SOBP: variants seen among roughly 807,000 people sequenced by gnomAD.
SOBP encodes sine oculis-binding protein homolog.
In SOBP, 4 loss-of-function variants were observed where a neutral mutation model predicts 53.6. The observed-to-expected ratio is 0.07, with a 90% CI of 0.04 to 0.17. The LOEUF is 0.17. SOBP is among the 10% of genes least tolerant of loss of function. The pLI, the probability that SOBP is intolerant of heterozygous loss-of-function variation, is 1.00. For missense variants in SOBP, 1,088 were observed against 1,204.7 expected (o/e 0.90, Z 1.43); for synonymous variants, 584 against 522.6 (o/e 1.12, Z -1.60).
chr6:107,543,184 A>G (rs1784200940), intron 4 of SOBP, among the ~76,000 whole-genome samples: 1 of 152,186 alleles, frequency 6.6e-6, no homozygotes, highest in South Asian at 2.1e-4. Context: ...GCTAGTATGT[A>G]CTTTGGGGCA....
In SOBP at chr6:107,614,476, G is replaced by A. The variant is rs115434168; in HGVS notation, c.670-19038G>A. Among the ~76,000 whole-genome samples, 652 of 152,342 alleles carry A rather than the reference G, an allele frequency of 4.3e-3. 6 individuals carry two copies. Among genetic ancestry groups the A allele is most frequent in the African/African-American group, 0.015 (616 of 41,580 alleles). ...GTTGCCAGGTTTATGAAGGGCTGCC[G>A]TCTGGAGGAGGATGTTGTGCTAAGT... On this transcript the variant is annotated intron_variant, in intron 5 of 6. Transcript: ENST00000317357.
intron 5 of SOBP, among the ~76,000 whole-genome samples, chr6:107,601,524 C>A (rs1452970917): frequency 6.6e-6 from 1 of 152,204 alleles, no homozygotes; most frequent in Non-Finnish European, 1.5e-5. Flanking sequence ...GAAACACTTT[C>A]GAAATTACTT....
chr6:107,508,408 G>A (rs1009422977), intron 3 of SOBP, among the ~76,000 whole-genome samples: 2 of 151,962 alleles, frequency 1.3e-5, no homozygotes, highest in East Asian at 3.9e-4. Context: ...GAGAAACCCC[G>A]TCTCTACTAA....
intron 6 of SOBP, among the ~76,000 whole-genome samples, chr6:107,645,112 G>A (rs185248868): frequency 2.0e-5 from 3 of 152,260 alleles, no homozygotes; most frequent in South Asian, 2.1e-4. Flanking sequence ...CTCACTGTCC[G>A]ATCAGGTGAT....
chr6:107,611,359 TC>T (rs1786592868), intron 5 of SOBP, among the ~76,000 whole-genome samples: 1 of 152,166 alleles, frequency 6.6e-6, no homozygotes, highest in African/African-American at 2.4e-5. Flanking sequence ...AACAAAAACT[TC>T]CTGCAGATGT....
intron 2 of SOBP, among the ~76,000 whole-genome samples, chr6:107,505,921 G>C (rs1158210126): frequency 2.0e-5 from 3 of 152,184 alleles, no homozygotes; most frequent in African/African-American, 7.2e-5. Flanking sequence ...AAAGTACTGG[G>C]ATTACAGGCG....
rs1583298034 is a variant in SOBP at position 107,635,546 on chromosome 6, T to G, written c.*3+77T>G. On this transcript the variant is annotated intron_variant, in intron 6 of 6. Transcript: ENST00000317357. This position sits in a 1 kb window ranked among gnomAD's most constrained non-coding sequence, Gnocchi z 4.5. ...ACTTCTGACAAGGCAGAGGGGAGAG[T>G]TGTAATTATAGTCATGATTTTACCG... 6.3e-7 allele frequency: 1 copy of G among 1,575,186 alleles called. No homozygotes were observed. The highest frequency in any genetic ancestry group is 8.7e-7 in the Non-Finnish European group (1 of 1,154,020).
At chr6:107,609,957 A>G (rs2115099637) in intron 5 of SOBP, among the ~76,000 whole-genome samples, 1 of 152,248 alleles carries the variant, frequency 6.6e-6, no homozygotes, top group Middle Eastern at 3.4e-3. Flanking sequence ...TTCCCACTCT[A>G]AATACACATA....
At chr6:107,530,304 A>G (rs1264391852) in intron 3 of SOBP, among the ~76,000 whole-genome samples, 1 of 152,160 alleles carries the variant, frequency 6.6e-6, no homozygotes, top group African/African-American at 2.4e-5. Context: ...TTTCATTTCC[A>G]TGTTTATTGT....
intron 6 of SOBP, among the ~76,000 whole-genome samples, chr6:107,638,096 A>G (rs1317621212): frequency 6.6e-6 from 1 of 152,264 alleles, no homozygotes; most frequent in African/African-American, 2.4e-5. Flanking sequence ...CTCCTCCACT[A>G]AATCACATTT....
intron 5 of SOBP, among the ~76,000 whole-genome samples, chr6:107,629,299 A>G (rs144078246): frequency 1.3e-5 from 2 of 151,524 alleles, no homozygotes; most frequent in East Asian, 3.9e-4. Context: ...AGATTTCAGC[A>G]AAAGGGTTTC....
chr6:107,508,586 G>GAAAAAAAA (rs201183925), intron 3 of SOBP, among the ~76,000 whole-genome samples: 2 of 146,040 alleles, frequency 1.4e-5, no homozygotes, highest in African/African-American at 5.0e-5. Context: ...CTCAAAAAAA[G>GAAAAAAAA]AAAAAAAAAA....
At chr6:107,624,062 G>GT (rs1690453781) in intron 5 of SOBP, among the ~76,000 whole-genome samples, 1 of 152,170 alleles carries the variant, frequency 6.6e-6, no homozygotes, top group Non-Finnish European at 1.5e-5. Flanking sequence ...ATAAATGTTT[G>GT]TTTTTAAAAA....
chr6:107,623,514 GTCA>G (rs1770314221), intron 5 of SOBP, among the ~76,000 whole-genome samples: 1 of 152,110 alleles, frequency 6.6e-6, no homozygotes, highest in Non-Finnish European at 1.5e-5. Flanking sequence ...CCAATCCCAA[GTCA>G]GGGGGAGAGA....
chr6:107,635,407 G>C lies in SOBP; in HGVS notation c.2563G>C (p.Glu855Gln). ...ISSPMLSAGP[E>Q]DLEPPLKRRC... ...CTCGCCCATGCTCAGCGCCGGGCCT[G>C]AGGACCTGGAGCCGCCGCTCAAAAG... is the stretch of plus-strand genomic sequence containing the variant. The change falls in exon 6 of 7, where the codon GAG (glutamate) becomes CAG (glutamine). Residue 855 changes from glutamate to glutamine, a missense_variant. This residue lies in a region of SOBP where 665 missense variants were observed against 629.7 expected (regional missense o/e 1.06). Transcript: ENST00000317357. The surrounding 1 kb of genome is among the most constrained non-coding windows in gnomAD (Gnocchi z 4.5). 2 of 1,613,416 alleles carry C rather than the reference G, an allele frequency of 1.2e-6. No homozygotes were observed. Among genetic ancestry groups the C allele is most frequent in the Non-Finnish European group, 1.7e-6 (2 of 1,180,014 alleles).
intron 5 of SOBP, among the ~76,000 whole-genome samples, chr6:107,593,712 A>G (rs746692722): frequency 2.0e-5 from 3 of 152,200 alleles, no homozygotes; most frequent in East Asian, 1.9e-4. Flanking sequence ...AGCACCTAAT[A>G]AAAGCTCAAC....
chr6:107,602,094 CCTT>C (rs1786199960), intron 5 of SOBP, among the ~76,000 whole-genome samples: 1 of 152,198 alleles, frequency 6.6e-6, no homozygotes, highest in South Asian at 2.1e-4. Flanking sequence ...TGCTCTCTCT[CCTT>C]CTCTTTTTTT....
At chr6:107,535,226 A>G (rs751959434) in intron 4 of SOBP, among the ~76,000 whole-genome samples, 3 of 152,214 alleles carry the variant, frequency 2.0e-5, no homozygotes, top group Non-Finnish European at 2.9e-5. Flanking sequence ...ACCTGATTCC[A>G]TTTGGAAAAA....
intron 5 of SOBP, among the ~76,000 whole-genome samples, chr6:107,603,968 T>C (rs2115088810): frequency 6.6e-6 from 1 of 152,354 alleles, no homozygotes; most frequent in African/African-American, 2.4e-5. Context: ...GGCATTATAC[T>C]CACAGGCAGA....
Sources: gnomAD v4.1 joint callset for allele counts (sites outside exome capture counted in the v4.1 genomes callset) on GRCh38, gnomAD v4.1.1 for gene constraint, gnomAD v4.1.1 regional missense constraint, Gnocchi (gnomAD v3.1) non-coding constraint, MANE v1.5 for transcripts, NCBI Gene and HGNC (gene_info 2026-07-23, HGNC 2026-07-21) for gene names.